The following GADL1 variants were observed in gnomAD, a reference collection of about 807,000 sequenced individuals.
GADL1 encodes the protein acidic amino acid decarboxylase GADL1.
GADL1 carries 71 observed loss-of-function variants against 69.5 expected under a neutral mutation model. The ratio of observed to expected loss-of-function variants is 1.02; its 90% CI spans 0.84 to 1.25. The LOEUF is 1.25. Among genes scored for constraint, GADL1 ranks in the 50% most tolerant of loss-of-function variants. GADL1 has a pLI of 0.00. For synonymous variants in GADL1, 254 were observed against 214.4 expected, an observed-to-expected ratio of 1.18 and a Z score of -1.62; for missense variants, 737 against 631.8, an observed-to-expected ratio of 1.17 and a Z score of -1.79.
chr3:30,891,617 TC>T (rs1476819247), intron 1 of GADL1, among the ~76,000 whole-genome samples: 4 of 151,472 alleles, frequency 2.6e-5, no homozygotes, highest in Admixed American at 1.3e-4. Context: ...CCAGAGCTGA[TC>T]TTTACCCTCT....
chr3:30,869,630 TTTTA>T (rs1168274332), intron 1 of GADL1, among the ~76,000 whole-genome samples: 2 of 147,434 alleles, frequency 1.4e-5, no homozygotes, highest in African/African-American at 4.9e-5. Context: ...ATCTATTTTA[TTTTA>T]TTTTTTTTTG....
At chr3:30,830,584 T>C (rs1438215266) in intron 11 of GADL1, among the ~76,000 whole-genome samples, 2 of 151,994 alleles carry the variant, frequency 1.3e-5, no homozygotes, top group South Asian at 2.1e-4. Flanking sequence ...ATCTAATCTC[T>C]CAATGCTAAA....
At chr3:30,846,309 T>C (rs181567608) in intron 6 of GADL1, among the ~76,000 whole-genome samples, 86 of 152,198 alleles carry the variant, frequency 5.7e-4, no homozygotes, top group Non-Finnish European at 9.6e-4. Flanking sequence ...GTTTCATAAA[T>C]CTACAGAAGA....
intron 11 of GADL1, 79 bp from the exon 12 acceptor site, chr3:30,801,167 C>T: frequency 9.9e-7 from 1 of 1,008,998 alleles, no homozygotes; most frequent in Non-Finnish European, 1.5e-6. Flanking sequence ...TGTACACACA[C>T]AATGTGTATA....
At chr3:30,762,463 C>A (rs1405118062) in intron 14 of GADL1, among the ~76,000 whole-genome samples, 1 of 152,140 alleles carries the variant, frequency 6.6e-6, no homozygotes, top group African/African-American at 2.4e-5. Context: ...AGAAACTTAA[C>A]ATTTTTATAA....
intron 1 of GADL1, among the ~76,000 whole-genome samples, chr3:30,872,836 A>G (rs181603559): frequency 2.6e-5 from 4 of 152,094 alleles, no homozygotes; most frequent in Admixed American, 2.0e-4. Flanking sequence ...TACTCTGAGT[A>G]GCTTGGATTC....
rs561714298 is a variant in GADL1 at position 30,879,614 on chromosome 3, G to T, written c.37+14964C>A. On this transcript the variant is annotated intron_variant, in intron 1 of 14. Transcript: ENST00000282538. ...CTCTCCACCCCTGCTTCCATCCCAAGTAATAAGAAATCAAGAATGTGAATT... is the reference window on the plus strand; with the variant it reads ...CTCTCCACCCCTGCTTCCATCCCAATTAATAAGAAATCAAGAATGTGAATT... Among the ~76,000 whole-genome samples, 45 of 151,982 alleles carry T rather than the reference G, an allele frequency of 3.0e-4. No individual in the cohort carries two copies. In the South Asian group the frequency reaches 9.1e-3, roughly 31 times the overall value.
chr3:30,868,006 T>C (rs1253495193), intron 1 of GADL1, among the ~76,000 whole-genome samples: 1 of 152,018 alleles, frequency 6.6e-6, no homozygotes, highest in African/African-American at 2.4e-5. Context: ...AATATACTTT[T>C]AAAACCTCAT....
chr3:30,818,634 A>G (rs1293401796), intron 11 of GADL1, among the ~76,000 whole-genome samples: 1 of 152,204 alleles, frequency 6.6e-6, no homozygotes, highest in Non-Finnish European at 1.5e-5. Flanking sequence ...ATAAATTTAT[A>G]AAAGCCATTA....
intron 13 of GADL1, among the ~76,000 whole-genome samples, chr3:30,785,606 C>T (rs1411144154): frequency 6.6e-6 from 1 of 152,114 alleles, no homozygotes; most frequent in Non-Finnish European, 1.5e-5. Flanking sequence ...TCGAACTCCT[C>T]ACCTTGTGAT....
At position 30,835,377 on chromosome 3, in the gene GADL1, TATC is replaced by T. The variant is rs1248878068; in HGVS notation, c.904-1099_904-1097del. Among the ~76,000 whole-genome samples the T allele has an allele frequency of 2.6e-5, 4 of 152,174 alleles. 1 individual carries two copies. The highest frequency in any genetic ancestry group is 3.9e-4 in the East Asian group (2 of 5,154). On this transcript the variant is annotated intron_variant, in intron 9 of 14. Coordinates refer to ENST00000282538, the MANE Select transcript of GADL1 (RefSeq NM_207359.3). ...ATTTAAAGGCATAGGTAGACCTTAA[TATC>T]ATGTAAAAAGAAGTGGCATGGTTGG...
At chr3:30,792,343 T>G (rs1260940725) in intron 12 of GADL1, among the ~76,000 whole-genome samples, 4 of 152,074 alleles carry the variant, frequency 2.6e-5, no homozygotes, top group Non-Finnish European at 4.4e-5. Context: ...GAGGCTGAGG[T>G]GGGCAGATTG....
chr3:30,785,749 C>G (rs1399789987), intron 13 of GADL1, among the ~76,000 whole-genome samples: 4 of 152,092 alleles, frequency 2.6e-5, no homozygotes, highest in Admixed American at 2.6e-4. Flanking sequence ...TTAAAAACTG[C>G]TATAATACAT....
intron 6 of GADL1, among the ~76,000 whole-genome samples, chr3:30,849,357 T>C (rs1698108852): frequency 6.6e-6 from 1 of 152,192 alleles, no homozygotes; most frequent in Non-Finnish European, 1.5e-5. Context: ...AACTTATTTT[T>C]ACAAATTTAG....
At chr3:30,734,709 A>G (rs1396696688) in intron 14 of GADL1, among the ~76,000 whole-genome samples, 1 of 152,230 alleles carries the variant, frequency 6.6e-6, no homozygotes, top group African/African-American at 2.4e-5. Flanking sequence ...CCCACAATAT[A>G]GAAGCTTTTC....
chr3:30,850,851 A>G lies in GADL1; in HGVS notation c.519T>C (p.Asp173=). ...TGTACTCACCTGGGTTAAATATTCC[A>G]TCCCCTTCTTTCCAGCCAATAAATT... ...MIEFIGWKEG[D]GIFNPGGSVS... is the part of the protein sequence containing the mutation. The change falls in exon 5 of 15, where the codon GAT becomes GAC. Residue 173 remains aspartate (D), a synonymous_variant. Coordinates refer to ENST00000282538, the MANE Select transcript of GADL1 (RefSeq NM_207359.3). 6.5e-7 allele frequency: 1 copy of G among 1,546,344 alleles called. No homozygotes were observed. The highest frequency in any genetic ancestry group is 8.8e-7 in the Non-Finnish European group (1 of 1,142,296).
chr3:30,767,605 A>G (rs1198855115), intron 14 of GADL1, among the ~76,000 whole-genome samples: 1 of 152,244 alleles, frequency 6.6e-6, no homozygotes, highest in African/African-American at 2.4e-5. Context: ...AAGGATTTAA[A>G]TACAAAAAAT....
At chr3:30,801,430 T>C (rs1205339826) in intron 11 of GADL1, among the ~76,000 whole-genome samples, 6 of 152,016 alleles carry the variant, frequency 3.9e-5, no homozygotes, top group Admixed American at 6.6e-5. Context: ...GTGCTCTCCA[T>C]TGGCCAGAAA....
At chr3:30,871,078 T>A (rs1048057143) in intron 1 of GADL1, among the ~76,000 whole-genome samples, 2 of 150,846 alleles carry the variant, frequency 1.3e-5, no homozygotes, top group Non-Finnish European at 3.0e-5. Context: ...TGTGTGTGTG[T>A]GTCCAAGAAA....
Sources: allele counts gnomAD v4.1 joint callset (sites outside exome capture counted in the v4.1 genomes callset), GRCh38; gene constraint gnomAD v4.1.1; transcripts MANE v1.5; gene names NCBI Gene and HGNC (gene_info 2026-07-23, HGNC 2026-07-21).